The following SMCHD1 variants were observed in gnomAD, a reference collection of about 807,000 sequenced individuals.
SMCHD1 encodes the protein structural maintenance of chromosomes flexible hinge domain containing 1.
Under a neutral mutation model 254.7 loss-of-function variants are expected in SMCHD1, and 78 were observed. That is an observed-to-expected ratio of 0.31 (90% CI 0.26 to 0.37). The LOEUF (loss-of-function observed/expected upper bound fraction) is 0.37. Among genes scored for constraint, SMCHD1 ranks in the 10% least tolerant of loss-of-function variants. The probability of loss-of-function intolerance (pLI) is 1.00; values close to 1 mark genes in which losing one functional copy is unlikely to be tolerated. For synonymous variants in SMCHD1, 766 were observed against 794.9 expected (o/e 0.96, Z 0.61); for missense variants, 1,840 against 2,408.1 (o/e 0.76, Z 4.94).
chr18:2,772,903 C>T (rs569291179), intron 41 of SMCHD1, among the ~76,000 whole-genome samples: 2 of 152,338 alleles, frequency 1.3e-5, no homozygotes, highest in East Asian at 3.9e-4. Flanking sequence ...ATTGCCTTTG[C>T]ATGTATATTC....
At chr18:2,677,805 G>T (rs1404599579) in intron 5 of SMCHD1, among the ~76,000 whole-genome samples, 2 of 152,090 alleles carry the variant, frequency 1.3e-5, no homozygotes, top group Admixed American at 1.3e-4. Flanking sequence ...TTTTTATAGA[G>T]GTGGAGTCTC....
At chr18:2,685,267 T>A (rs1197188034) in intron 5 of SMCHD1, among the ~76,000 whole-genome samples, 2 of 151,632 alleles carry the variant, frequency 1.3e-5, no homozygotes, top group Non-Finnish European at 1.5e-5. Flanking sequence ...GCCCGGCTAA[T>A]TTTTTGTATT....
chr18:2,735,416 A>C (rs1253891426), intron 25 of SMCHD1, among the ~76,000 whole-genome samples: 1 of 152,148 alleles, frequency 6.6e-6, no homozygotes, highest in African/African-American at 2.4e-5. Flanking sequence ...CTATTCAACT[A>C]TTGGAAGTTC....
At chr18:2,661,784 A>C (rs1438566951) in intron 1 of SMCHD1, among the ~76,000 whole-genome samples, 1 of 152,194 alleles carries the variant, frequency 6.6e-6, no homozygotes, top group Non-Finnish European at 1.5e-5. Flanking sequence ...AAATAGGGGG[A>C]GTCTTCTATG....
intron 39 of SMCHD1, among the ~76,000 whole-genome samples, chr18:2,770,890 AGGATTACAG>A (rs2075970877): frequency 6.6e-6 from 1 of 152,132 alleles, no homozygotes; most frequent in South Asian, 2.1e-4. Flanking sequence ...ACAAAGTGCT[AGGATTACAG>A]GTGTTAGCCA....
chr18:2,663,394 G>GA (rs2143786435), intron 1 of SMCHD1, among the ~76,000 whole-genome samples: 1 of 152,140 alleles, frequency 6.6e-6, no homozygotes, highest in South Asian at 2.1e-4. Flanking sequence ...TTACAGCTGT[G>GA]AACCACTGTG....
rs932642471 is a variant in SMCHD1 at position 2,740,737 on chromosome 18, T to G, written c.3549T>G (p.Ile1183Met). 6.2e-7 allele frequency: 1 copy of G among 1,610,898 alleles called. No homozygotes were observed. The highest frequency in any genetic ancestry group is 1.3e-5 in the African/African-American group (1 of 74,862). Reference protein sequence around the residue: ...IIITDQYGNQIQAFSPSSLSS... With the variant: ...IIITDQYGNQMQAFSPSSLSS... ...TTACAGATCAGTACGGAAATCAGAT[T>G]CAAGCATTTTCACCAAGTTCTTTAT... The change falls in exon 28 of 48, where the codon ATT (isoleucine) becomes ATG (methionine). Residue 1183 changes from isoleucine to methionine, a missense_variant. Ile to Met is a conservative substitution (Grantham distance 10, BLOSUM62 1). This residue lies in a region of SMCHD1 where 881 missense variants were observed against 1,009.5 expected (regional missense o/e 0.87). Coordinates refer to ENST00000320876, the MANE Select transcript of SMCHD1 (RefSeq NM_015295.3).
At chr18:2,756,590 A>G (rs2075683348) in intron 34 of SMCHD1, among the ~76,000 whole-genome samples, 1 of 152,062 alleles carries the variant, frequency 6.6e-6, no homozygotes, top group South Asian at 2.1e-4. Context: ...ATATCTTGTA[A>G]TTATCAAACT....
intron 39 of SMCHD1, 66 bp from the exon 40 acceptor site, chr18:2,771,467 A>AT: frequency 1.7e-6 from 2 of 1,211,842 alleles, no homozygotes; most frequent in Non-Finnish European, 2.3e-6. Context: ...ACTTTAAAAT[A>AT]TTTTTCAAAA....
intron 5 of SMCHD1, among the ~76,000 whole-genome samples, chr18:2,682,421 G>A (rs1196999666): frequency 6.6e-6 from 1 of 151,614 alleles, no homozygotes; most frequent in Non-Finnish European, 1.5e-5. Flanking sequence ...TGCCTCCCAG[G>A]TTCAAGCAGT....
chr18:2,670,606 A>G (rs1425373932), intron 3 of SMCHD1, among the ~76,000 whole-genome samples: 1 of 152,176 alleles, frequency 6.6e-6, no homozygotes, highest in East Asian at 1.9e-4. Flanking sequence ...GTGCTTAAAT[A>G]TTTTAAAATT....
Position 2,725,013 on chromosome 18 carries a change from A to C in SMCHD1, c.2700+18A>C, listed in dbSNP as rs767713853. 3 of 1,355,342 alleles carry C rather than the reference A, an allele frequency of 2.2e-6. No homozygotes were observed. In the East Asian group the frequency reaches 7.2e-5, roughly 32 times the overall value. The allele number at this position is 1,355,342 out of a possible 1,614,324, so 84.0% of individuals were successfully genotyped here. A position where few individuals can be genotyped will look rare whatever the true frequency, so the allele number is the denominator to read the frequency against. ...AAGGCAAGGTAAGCATTATGTATAG[A>C]TCCTATGATACTTGTTAAGTATTTA... is the stretch of plus-strand genomic sequence containing the variant. On this transcript the variant is annotated intron_variant, in intron 21 of 47. Transcript: ENST00000320876.
rs958700648 is a variant in SMCHD1, at chr18:2,804,550, T to TAAG, written c.*1998_*1999insAAG. ...ATGTTCTATCAGTAAAAGAAGGTTT[T>TAAG]TAAGTATGAATCTCCATTTTTGTGG... On this transcript the variant is annotated 3_prime_UTR_variant, in exon 48 of 48. Transcript: ENST00000320876. The TAAG allele has an allele frequency of 2.0e-5, 3 of 152,216 alleles. No homozygotes were observed. Among genetic ancestry groups the TAAG allele is most frequent in the African/African-American group, 7.2e-5 (3 of 41,456 alleles). 9.4% of individuals were successfully genotyped at this position (152,216 alleles called of 1,614,324 possible).
intron 1 of SMCHD1, among the ~76,000 whole-genome samples, chr18:2,661,559 G>A (rs1028071923): frequency 2.0e-4 from 27 of 136,834 alleles, no homozygotes; most frequent in African/African-American, 9.6e-4. Flanking sequence ...TTTTTAATAT[G>A]GATTAAACAT....
At chr18:2,737,444 G>A (rs2075272200) in intron 25 of SMCHD1, among the ~76,000 whole-genome samples, 1 of 152,170 alleles carries the variant, frequency 6.6e-6, no homozygotes, top group East Asian at 1.9e-4. Flanking sequence ...TTTAAGGCCA[G>A]ATGTGGTGGC....
intron 3 of SMCHD1, among the ~76,000 whole-genome samples, chr18:2,671,655 G>A (rs28582437): frequency 0.2 from 30,026 of 148,662 alleles, 3,282 homozygotes; most frequent in South Asian, 0.32. Flanking sequence ...GAGTGCAGTG[G>A]CACTATTTCG....
At chr18:2,722,426 A>G in intron 19 of SMCHD1, 93 bp from the exon 20 acceptor site, 1 of 1,064,920 alleles carries the variant, frequency 9.4e-7, no homozygotes, top group East Asian at 2.4e-5. Context: ...AGATTTCTAA[A>G]ATTTCTCAGA....
chr18:2,711,391 C>T (rs964980606), intron 17 of SMCHD1, among the ~76,000 whole-genome samples: 5 of 151,670 alleles, frequency 3.3e-5, no homozygotes, highest in East Asian at 1.9e-4. Flanking sequence ...AGCCACTGCA[C>T]GTAGCCTTGT....
At chr18:2,670,202 C>T (rs986427911) in intron 3 of SMCHD1, among the ~76,000 whole-genome samples, 5 of 152,148 alleles carry the variant, frequency 3.3e-5, no homozygotes, top group African/African-American at 1.2e-4. Flanking sequence ...TTGTACTTCT[C>T]TGACTTTGTT....
Sources: gnomAD v4.1 joint callset for allele counts (sites outside exome capture counted in the v4.1 genomes callset) on GRCh38, gnomAD v4.1.1 for gene constraint, gnomAD v4.1.1 regional missense constraint, MANE v1.5 for transcripts, NCBI Gene and HGNC (gene_info 2026-07-23, HGNC 2026-07-21) for gene names.